INSL6: variants seen among roughly 807,000 people sequenced by gnomAD.
The protein encoded by INSL6 is insulin like 6.
INSL6 carries 16 observed loss-of-function variants against 9.4 expected under a neutral mutation model. That is an observed-to-expected ratio of 1.70 (90% CI 1.15 to 2.59). INSL6 has a LOEUF of 2.59. Ranked by LOEUF, INSL6 falls within the 30% of genes most tolerant of loss-of-function variation. The pLI is 0.00. For missense variants in INSL6, 391 were observed against 257.3 expected, an observed-to-expected ratio of 1.52 and a Z score of -3.56; for synonymous variants, 154 against 96.9, an observed-to-expected ratio of 1.59 and a Z score of -3.46.
the INSL6 span, among the ~76,000 whole-genome samples, chr9:5,103,485 C>G: frequency 6.6e-6 from 1 of 152,012 alleles, no homozygotes; most frequent in Non-Finnish European, 1.5e-5. Context: ...GACTTTAACA[C>G]CTCTCTGTCA....
chr9:5,008,919 G>T, the INSL6 span, among the ~76,000 whole-genome samples: 1 of 151,900 alleles, frequency 6.6e-6, no homozygotes, highest in Non-Finnish European at 1.5e-5. Flanking sequence ...CTTTCTGTCT[G>T]TCTCTTTCTC....
chr9:5,085,064 T>A, the INSL6 span: 1 of 704,950 alleles, frequency 1.4e-6, no homozygotes, highest in Non-Finnish European at 2.6e-6. Context: ...ATGAGAAGTT[T>A]ACTGCTCTCT....
At chr9:5,022,227 A>C in the INSL6 span, 1 of 1,585,770 alleles carries the variant, frequency 6.3e-7, no homozygotes, top group African/African-American at 1.3e-5. Flanking sequence ...AGTATTAAAA[A>C]ACAGCATTTT....
At chr9:5,041,822 G>A in the INSL6 span, 11 of 482,670 alleles carry the variant, frequency 2.3e-5, no homozygotes, top group Non-Finnish European at 3.3e-5. Flanking sequence ...AAAACCAGGC[G>A]CTGAACTCCA....
At chr9:5,067,823 A>T in the INSL6 span, among the ~76,000 whole-genome samples, 1 of 152,168 alleles carries the variant, frequency 6.6e-6, no homozygotes, top group Non-Finnish European at 1.5e-5. Context: ...TATCTAGCAT[A>T]GGCAAATATA....
At chr9:5,086,855 A>C in the INSL6 span, among the ~76,000 whole-genome samples, 1 of 152,166 alleles carries the variant, frequency 6.6e-6, no homozygotes, top group South Asian at 2.1e-4. Flanking sequence ...CTTCTCATAG[A>C]GCAGTTTGTA....
At chr9:5,022,998 AG>A in the INSL6 span, among the ~76,000 whole-genome samples, 1,291 of 152,360 alleles carry the variant, frequency 8.5e-3, 16 homozygotes, top group African/African-American at 0.029. Flanking sequence ...ATTAACTGTA[AG>A]TTGGAGGAAG....
downstream of INSL6, among the ~76,000 whole-genome samples, chr9:5,120,981 A>G (rs2130845863): frequency 6.6e-6 from 1 of 152,312 alleles, no homozygotes; most frequent in East Asian, 1.9e-4. Context: ...GGTCAAAGAT[A>G]TGGTTATAAA....
the INSL6 span, among the ~76,000 whole-genome samples, chr9:5,084,837 T>A: frequency 0.61 from 92,619 of 152,134 alleles, 30,398 homozygotes; most frequent in African/African-American, 0.87. Flanking sequence ...TTAAAAAGTT[T>A]TCTGAAAAAA....
the INSL6 span, among the ~76,000 whole-genome samples, chr9:5,107,218 A>G: frequency 3.3e-5 from 5 of 152,128 alleles, no homozygotes; most frequent in Admixed American, 3.3e-4. Flanking sequence ...TATCTGAAAG[A>G]TATTAAATAA....
At position 5,164,238 on chromosome 9, in the gene INSL6, T is replaced by C. The variant is rs1213024127; in HGVS notation, c.317A>G (p.Asn106Ser). ...AGGTAGTGACTGCATTTCCCAACTGTTTACTGCTTCTTCCCAAGAAGTAGA... is the reference window on the plus strand; with the variant it reads ...AGGTAGTGACTGCATTTCCCAACTGCTTACTGCTTCTTCCCAAGAAGTAGA... ...PVSTSWEEAV[N>S]SWEMQSLPEY... The change falls in exon 2 of 2, where the codon AAC (asparagine) becomes AGC (serine). Residue 106 changes from asparagine to serine, a missense_variant. Transcript: ENST00000381641. 2 of 1,606,422 alleles carry C rather than the reference T, an allele frequency of 1.2e-6. No homozygotes were observed. Among genetic ancestry groups the C allele is most frequent in the Non-Finnish European group, 8.5e-7 (1 of 1,177,232 alleles).
intron 1 of INSL6, among the ~76,000 whole-genome samples, chr9:5,184,781 G>C (rs1379320870): frequency 6.6e-6 from 1 of 152,174 alleles, no homozygotes; most frequent in African/African-American, 2.4e-5. Flanking sequence ...ACGTGACCAG[G>C]GGATATGGAC....
chr9:5,083,367 T>G, the INSL6 span, among the ~76,000 whole-genome samples: 3 of 152,194 alleles, frequency 2.0e-5, no homozygotes, highest in Non-Finnish European at 4.4e-5. Context: ...GTAAGCTCTT[T>G]CTCGCATAAG....
downstream of INSL6, among the ~76,000 whole-genome samples, chr9:5,120,153 C>T (rs1395199193): frequency 1.3e-5 from 2 of 152,218 alleles, no homozygotes; most frequent in African/African-American, 4.8e-5. Context: ...AGCCTTGCTG[C>T]TTCCTCCTTC....
At chr9:5,077,688 T>TA in the INSL6 span, 5 of 613,230 alleles carry the variant, frequency 8.2e-6, no homozygotes, top group Non-Finnish European at 1.3e-5. Context: ...GGATGCCAAT[T>TA]CATGTAAAAT....
chr9:5,096,012 A>G, the INSL6 span, among the ~76,000 whole-genome samples: 1 of 152,198 alleles, frequency 6.6e-6, no homozygotes, highest in Non-Finnish European at 1.5e-5. Context: ...TTCTGCCTGA[A>G]TGAGTCATCA....
chr9:5,174,801 A>T (rs182786217), intron 1 of INSL6, among the ~76,000 whole-genome samples: 32 of 152,318 alleles, frequency 2.1e-4, no homozygotes, highest in Admixed American at 1.3e-3. Context: ...CACAAAATTC[A>T]ACATGTCCAA....
the INSL6 span, among the ~76,000 whole-genome samples, chr9:5,068,269 A>C: frequency 6.6e-6 from 1 of 152,358 alleles, no homozygotes; most frequent in East Asian, 1.9e-4. Context: ...TTCTGAGTAG[A>C]ATGAATATGT....
the INSL6 span, among the ~76,000 whole-genome samples, chr9:5,102,180 G>A: frequency 1.3e-5 from 2 of 152,182 alleles, no homozygotes; most frequent in East Asian, 3.9e-4. Context: ...AATAAACAGT[G>A]TAGAGAAGAC....
Sources: allele counts gnomAD v4.1 joint callset (sites outside exome capture counted in the v4.1 genomes callset), GRCh38; gene constraint gnomAD v4.1.1; transcripts MANE v1.5; gene names NCBI Gene and HGNC (gene_info 2026-07-23, HGNC 2026-07-21).